The following NELL1 variants were observed in gnomAD, a reference collection of about 807,000 sequenced individuals.
The protein encoded by NELL1 is protein kinase C-binding protein NELL1.
NELL1 carries 76 observed loss-of-function variants against 107.4 expected under a neutral mutation model. That is an observed-to-expected ratio of 0.71 (90% CI 0.59 to 0.86). NELL1 has a LOEUF of 0.86. Ranked by LOEUF, NELL1 falls within the 40% of genes least tolerant of loss-of-function variation. The probability of loss-of-function intolerance (pLI) is 0.00; values close to 1 mark genes in which losing one functional copy is unlikely to be tolerated. For missense variants in NELL1, 1,024 were observed against 1,005.5 expected (o/e 1.02, Z -0.25); for synonymous variants, 353 against 341.2 (o/e 1.03, Z -0.38).
chr11:20,788,430 G>C (rs1474205448), intron 3 of NELL1, among the ~76,000 whole-genome samples: 1 of 152,198 alleles, frequency 6.6e-6, no homozygotes, highest in African/African-American at 2.4e-5. Flanking sequence ...CTGTGGTTTT[G>C]AGTTGCATTT....
intron 13 of NELL1, among the ~76,000 whole-genome samples, chr11:21,183,422 A>G (rs1201652055): frequency 6.6e-6 from 1 of 152,012 alleles, no homozygotes; most frequent in Non-Finnish European, 1.5e-5. Flanking sequence ...TCAGCTGAAC[A>G]AATAAAGCTT....
At chr11:21,195,822 C>T (rs1857140190) in intron 13 of NELL1, among the ~76,000 whole-genome samples, 1 of 152,158 alleles carries the variant, frequency 6.6e-6, no homozygotes, top group African/African-American at 2.4e-5. Context: ...GACAATACAG[C>T]TCTAGGTCCT....
At chr11:21,089,923 A>G (rs1854483284) in intron 12 of NELL1, among the ~76,000 whole-genome samples, 1 of 152,050 alleles carries the variant, frequency 6.6e-6, no homozygotes, top group South Asian at 2.1e-4. Flanking sequence ...AGGTGCTTTT[A>G]TTGTGGTTAG....
intron 12 of NELL1, among the ~76,000 whole-genome samples, chr11:21,021,290 T>G (rs1590549416): frequency 9.7e-5 from 13 of 133,626 alleles, no homozygotes; most frequent in East Asian, 2.3e-4. Context: ...GGGGTGGGGG[T>G]GGGGTGTGAA....
intron 15 of NELL1, among the ~76,000 whole-genome samples, chr11:21,394,456 GTGTGTGTGTGTTCCA>G (rs1289544145): frequency 2.0e-5 from 3 of 151,254 alleles, no homozygotes; most frequent in East Asian, 2.0e-4. Context: ...ATATGGCCGT[GTGTGTGTGTGTTCCA>G]TTCTTTAGAG....
chr11:21,169,563 G>A (rs1409634783), intron 13 of NELL1, among the ~76,000 whole-genome samples: 1 of 151,864 alleles, frequency 6.6e-6, no homozygotes, highest in Non-Finnish European at 1.5e-5. Context: ...GATTTGATTT[G>A]TGATTTTCTA....
At chr11:20,943,063 T>A (rs1047344432) in intron 10 of NELL1, among the ~76,000 whole-genome samples, 1 of 152,060 alleles carries the variant, frequency 6.6e-6, no homozygotes, top group African/African-American at 2.4e-5. Flanking sequence ...CTGTTTTTTT[T>A]TTTTTTAATA....
chr11:21,255,740 C>G (rs60762867), intron 14 of NELL1, among the ~76,000 whole-genome samples: 1 of 151,902 alleles, frequency 6.6e-6, no homozygotes, highest in African/African-American at 2.4e-5. Flanking sequence ...AATAAAGTTT[C>G]AGACATACCC....
At chr11:20,724,104 G>A (rs1257800096) in intron 2 of NELL1, among the ~76,000 whole-genome samples, 1 of 151,960 alleles carries the variant, frequency 6.6e-6, no homozygotes, top group Admixed American at 6.6e-5. Context: ...TGGGCCCTGG[G>A]CCTGGCCTAT....
At chr11:20,712,207 G>A (rs186759371) in intron 2 of NELL1, among the ~76,000 whole-genome samples, 52 of 152,112 alleles carry the variant, frequency 3.4e-4, no homozygotes, top group Admixed American at 1.7e-3. Flanking sequence ...TTGTCTTTGA[G>A]CTCTGAAGAT....
At chr11:21,463,528 G>A (rs1258332842) in intron 15 of NELL1, among the ~76,000 whole-genome samples, 1 of 151,972 alleles carries the variant, frequency 6.6e-6, no homozygotes, top group Admixed American at 6.6e-5. Context: ...ACTTTGCAAA[G>A]GTTCCTTGTT....
At chr11:20,809,087 C>T (rs1436195101) in intron 3 of NELL1, among the ~76,000 whole-genome samples, 1 of 152,128 alleles carries the variant, frequency 6.6e-6, no homozygotes, top group Non-Finnish European at 1.5e-5. Flanking sequence ...GCTTCACCTC[C>T]TCCTGAAGAA....
intron 3 of NELL1, among the ~76,000 whole-genome samples, chr11:20,802,388 T>C (rs927031141): frequency 6.6e-6 from 1 of 150,670 alleles, no homozygotes; most frequent in Admixed American, 6.6e-5. Context: ...GATCGTTCAT[T>C]GTTGGTGTAC....
chr11:21,542,507 A>T (rs1856315654), intron 16 of NELL1, among the ~76,000 whole-genome samples: 1 of 152,034 alleles, frequency 6.6e-6, no homozygotes, highest in South Asian at 2.1e-4. Context: ...TATTCACTGG[A>T]CTCAAGGGAT....
At chr11:20,708,328 A>C (rs528891797) in intron 2 of NELL1, among the ~76,000 whole-genome samples, 1 of 152,018 alleles carries the variant, frequency 6.6e-6, no homozygotes, top group African/African-American at 2.4e-5. Context: ...TTCGGCTCAC[A>C]CTCCTTGGGT....
At chr11:21,487,137 C>T (rs536720820) in intron 15 of NELL1, among the ~76,000 whole-genome samples, 4 of 152,252 alleles carry the variant, frequency 2.6e-5, no homozygotes, top group African/African-American at 9.6e-5. Flanking sequence ...ACTGACAAAA[C>T]TCCATAAAGG....
At chr11:20,994,094 A>G (rs1590513971) in intron 12 of NELL1, among the ~76,000 whole-genome samples, 1 of 152,136 alleles carries the variant, frequency 6.6e-6, no homozygotes, top group African/African-American at 2.4e-5. Flanking sequence ...TAAGAAATCT[A>G]TTTTACTTTT....
At chr11:21,367,261 TACAC>T (rs72275889) in intron 14 of NELL1, among the ~76,000 whole-genome samples, 32,269 of 144,868 alleles carry the variant, frequency 0.22, 3,673 homozygotes, top group East Asian at 0.35. Flanking sequence ...TTTATCTTAC[TACAC>T]ACACACACAC....
intron 15 of NELL1, among the ~76,000 whole-genome samples, chr11:21,519,734 A>G (rs1855670910): frequency 1.3e-5 from 2 of 151,948 alleles, no homozygotes; most frequent in African/African-American, 4.8e-5. Context: ...TACTGGCTAA[A>G]ATTGACTGAA....
Sources: gnomAD v4.1 joint callset for allele counts (sites outside exome capture counted in the v4.1 genomes callset) on GRCh38, gnomAD v4.1.1 for gene constraint, MANE v1.5 for transcripts, NCBI Gene and HGNC (gene_info 2026-07-23, HGNC 2026-07-21) for gene names.